DGKD: variants seen among roughly 807,000 people sequenced by gnomAD.
DGKD encodes the protein DAG kinase delta.
DGKD carries 68 observed loss-of-function variants against 154.4 expected under a neutral mutation model. That is an observed-to-expected ratio of 0.44 (90% CI 0.36 to 0.54). DGKD has a LOEUF of 0.54. Among genes scored for constraint, DGKD ranks in the 20% least tolerant of loss-of-function variants. The pLI is 0.00. For missense variants in DGKD, 1,343 were observed against 1,593.6 expected (o/e 0.84, Z 2.68); for synonymous variants, 693 against 638.0 (o/e 1.09, Z -1.30).
intron 29 of DGKD, 51 bp downstream of exon 29, chr2:233,468,604 T>C (rs1462372352): frequency 1.2e-6 from 2 of 1,606,768 alleles, no homozygotes; most frequent in East Asian, 4.5e-5. Flanking sequence ...TGCACGCAGC[T>C]CCCTTCTCTT....
chr2:233,384,881 C>T (rs529812318), intron 1 of DGKD, among the ~76,000 whole-genome samples: 1 of 152,302 alleles, frequency 6.6e-6, no homozygotes, highest in South Asian at 2.1e-4. Flanking sequence ...CCCCTCCTCC[C>T]TGGCCTGCTC....
intron 7 of DGKD, among the ~76,000 whole-genome samples, chr2:233,436,997 T>C (rs1482350523): frequency 6.6e-6 from 1 of 152,310 alleles, no homozygotes; most frequent in Non-Finnish European, 1.5e-5. Context: ...GCCTAGCACA[T>C]CTGGCTGCCA....
At chr2:233,388,891 G>C (rs1460222223) in intron 2 of DGKD, 1 of 152,038 alleles carries the variant, frequency 6.6e-6, no homozygotes, top group African/African-American at 2.4e-5. Context: ...GATTACAGGT[G>C]CCTGCAACCA....
intron 19 of DGKD, among the ~76,000 whole-genome samples, chr2:233,456,324 G>T (rs537614430): frequency 6.6e-6 from 1 of 152,250 alleles, no homozygotes; most frequent in Non-Finnish European, 1.5e-5. Context: ...TGCAGAGAGC[G>T]TGTGGCCACA....
chr2:233,421,672 C>T (rs1166157156), intron 3 of DGKD, among the ~76,000 whole-genome samples: 2 of 152,160 alleles, frequency 1.3e-5, no homozygotes, highest in African/African-American at 2.4e-5. Context: ...GCTCCTTCCT[C>T]GCCTCCTCCC....
At chr2:233,410,081 A>G (rs954657287) in intron 3 of DGKD, among the ~76,000 whole-genome samples, 1 of 151,986 alleles carries the variant, frequency 6.6e-6, no homozygotes, top group Non-Finnish European at 1.5e-5. Context: ...TGGCCTCCCA[A>G]AGTGCTGGGA....
Position 233,435,935 on chromosome 2 carries a change from A to G in DGKD, c.693+11A>G, listed in dbSNP as rs567190237. The G allele has an allele frequency of 3.1e-6, 5 of 1,599,444 alleles. No homozygotes were observed. Among genetic ancestry groups the G allele is most frequent in the Non-Finnish European group, 4.3e-6 (5 of 1,172,272 alleles). On this transcript the variant is annotated intron_variant, in intron 6 of 29. Coordinates refer to ENST00000264057, the MANE Select transcript of DGKD (RefSeq NM_152879.3). Reference sequence around the variant, plus strand: ...GAAGATGCAGATGGGGTATGTTAAGAAATACCACCTGTGGGGCCCTGAGCC... The same window carrying G: ...GAAGATGCAGATGGGGTATGTTAAGGAATACCACCTGTGGGGCCCTGAGCC...
chr2:233,417,401 A>T (rs1426258092), intron 3 of DGKD, among the ~76,000 whole-genome samples: 1 of 152,194 alleles, frequency 6.6e-6, no homozygotes, highest in Admixed American at 6.5e-5. Context: ...AAATTTGTTC[A>T]TTTAAAAACA....
Position 233,438,778 on chromosome 2 carries a change from CTATCTATCTATCTATCT to C in DGKD, c.1085+400_1085+416del, listed in dbSNP as rs2062794450. Among the ~76,000 whole-genome samples, 1 of 151,460 alleles carries C rather than the reference CTATCTATCTATCTATCT, an allele frequency of 6.6e-6. No individual in the cohort carries two copies. The highest frequency in any genetic ancestry group is 1.5e-5 in the Non-Finnish European group (1 of 67,912). ...ATCATCTATCTATCTATCTATCTAT[CTATCTATCTATCTATCT>C]ATCTATCTATCTATCTATCTGTGGG... On this transcript the variant is annotated intron_variant, in intron 9 of 29. Coordinates refer to ENST00000264057, the MANE Select transcript of DGKD (RefSeq NM_152879.3). The surrounding 1 kb of genome is among the most constrained non-coding windows in gnomAD (Gnocchi z 4.1).
rs889726373 is a variant in DGKD at position 233,459,397 on chromosome 2, C to T, written c.2695-360C>T. Among the ~76,000 whole-genome samples, 7 of 152,198 alleles carry T rather than the reference C, an allele frequency of 4.6e-5. No individual in the cohort carries two copies. Among genetic ancestry groups the T allele is most frequent in the Admixed American group, 4.6e-4 (7 of 15,284 alleles). ...GATGGCTCATCGTCATCCACTGTGC[C>T]ATCTGCTCTTTTCTAGGGGTGTTTT... On this transcript the variant is annotated intron_variant, in intron 22 of 29. Coordinates refer to ENST00000264057, the MANE Select transcript of DGKD (RefSeq NM_152879.3). The surrounding 1 kb of genome is among the most constrained non-coding windows in gnomAD (Gnocchi z 5.7).
chr2:233,465,720 G>A (rs1253009051), intron 27 of DGKD, among the ~76,000 whole-genome samples: 1 of 152,136 alleles, frequency 6.6e-6, no homozygotes, highest in Non-Finnish European at 1.5e-5. Context: ...GGACCAGCAA[G>A]GGTATCGCTA....
At chr2:233,420,113 A>G (rs916272838) in intron 3 of DGKD, among the ~76,000 whole-genome samples, 2 of 152,170 alleles carry the variant, frequency 1.3e-5, no homozygotes, top group Non-Finnish European at 2.9e-5. Flanking sequence ...GGTGGGGTGT[A>G]TAAAAGCCCT....
intron 1 of DGKD, among the ~76,000 whole-genome samples, chr2:233,358,862 C>G (rs1474555619): frequency 6.6e-6 from 1 of 152,152 alleles, no homozygotes; most frequent in Non-Finnish European, 1.5e-5. Context: ...TGTGAACATT[C>G]ATGCACATGT....
At chr2:233,372,711 T>C (rs1702383849) in intron 1 of DGKD, among the ~76,000 whole-genome samples, 1 of 152,210 alleles carries the variant, frequency 6.6e-6, no homozygotes, top group Non-Finnish European at 1.5e-5. Context: ...TGTTTTGTAT[T>C]ATTTGCTGTT....
intron 6 of DGKD, 39 bp downstream of exon 6, chr2:233,435,963 G>T: frequency 6.4e-7 from 1 of 1,563,100 alleles, no homozygotes; most frequent in Non-Finnish European, 8.7e-7. Flanking sequence ...CCTGAGCCAG[G>T]GTCCCCCACC....
intron 1 of DGKD, among the ~76,000 whole-genome samples, chr2:233,365,518 T>TA (rs1217929709): frequency 6.6e-6 from 1 of 152,170 alleles, no homozygotes; most frequent in Non-Finnish European, 1.5e-5. Context: ...GTGCTGGGAT[T>TA]ACAGGCGTGA....
chr2:233,405,782 C>T (rs905808864), intron 3 of DGKD, among the ~76,000 whole-genome samples: 12 of 152,110 alleles, frequency 7.9e-5, no homozygotes, highest in African/African-American at 1.4e-4. Flanking sequence ...GTTACAGCAG[C>T]GCAAAACAGA....
intron 18 of DGKD, among the ~76,000 whole-genome samples, chr2:233,453,917 C>T (rs1413452276): frequency 6.6e-6 from 1 of 152,236 alleles, no homozygotes; most frequent in Admixed American, 6.5e-5. Context: ...AAGTCATTTT[C>T]CTTTTTAATT....
At position 233,444,014 on chromosome 2, in the gene DGKD, C is replaced by T. The variant is rs113976462; in HGVS notation, c.1195-1609C>T. Among the ~76,000 whole-genome samples, 1,098 of 152,190 alleles carry T rather than the reference C, an allele frequency of 7.2e-3. 16 individuals carry two copies. Among genetic ancestry groups the T allele is most frequent in the African/African-American group, 0.025 (1,049 of 41,520 alleles). On this transcript the variant is annotated intron_variant, in intron 10 of 29. Transcript: ENST00000264057. The stretch of plus-strand genomic sequence containing the variant: ...TTAACGCTGTGTCCTCAGAGCCTTG[C>T]TGGGGCCTCTCCTCCTTCGCTTTTG...
Sources: allele counts gnomAD v4.1 joint callset (sites outside exome capture counted in the v4.1 genomes callset), GRCh38; gene constraint gnomAD v4.1.1; non-coding constraint Gnocchi (gnomAD v3.1); transcripts MANE v1.5; gene names NCBI Gene and HGNC (gene_info 2026-07-23, HGNC 2026-07-21).